LRRC45: variants seen among roughly 807,000 people sequenced by gnomAD.
LRRC45 encodes leucine rich repeat containing 45, also known as leucine-rich repeat-containing protein 45.
A neutral mutation model predicts 85.4 loss-of-function variants in LRRC45; 73 were observed. The ratio of observed to expected loss-of-function variants is 0.85; its 90% confidence interval spans 0.71 to 1.04. The LOEUF is 1.04. LRRC45 is among the 50% of genes least tolerant of loss of function. The pLI is 0.00. For missense variants in LRRC45, 937 were observed against 883.3 expected (o/e 1.06, Z -0.77); for synonymous variants, 429 against 386.0 (o/e 1.11, Z -1.31).
chr17:82,025,960 C>A (rs557661957), intron 5 of LRRC45, among the ~76,000 whole-genome samples: 1 of 152,186 alleles, frequency 6.6e-6, no homozygotes, highest in African/African-American at 2.4e-5. Context: ...CCAGCGACCC[C>A]GAATCCTTGC....
chr17:82,028,297 C>G lies in LRRC45; in HGVS notation c.1111C>G (p.Leu371Val). 1 of 1,591,292 alleles carries G rather than the reference C, an allele frequency of 6.3e-7. No homozygotes were observed. Among genetic ancestry groups the G allele is most frequent in the Non-Finnish European group, 8.6e-7 (1 of 1,169,522 alleles). Residue 371 changes from leucine (L) to valine (V), a missense_variant, in exon 10 of 17, where the codon CTT (leucine) becomes GTT (valine). Physicochemically the swap from Leu to Val is conservative, Grantham distance 32. Coordinates refer to ENST00000306688, the MANE Select transcript of LRRC45 (RefSeq NM_144999.4). Reference protein sequence around the residue: ...DLSAANEKNLLLQNQVDELER... With the variant: ...DLSAANEKNLVLQNQVDELER... ...GTCTGCTGCCAATGAAAAGAACCTG[C>G]TTCTGCAAAACCAGGTAGCTGTGGT...
Position 82,025,162 on chromosome 17 carries a change from C to T in LRRC45, c.516C>T (p.Thr172=), listed in dbSNP as rs772139815. 3 of 1,598,628 alleles carry T rather than the reference C, an allele frequency of 1.9e-6. No homozygotes were observed. Among genetic ancestry groups the T allele is most frequent in the Admixed American group, 1.7e-5 (1 of 58,406 alleles). The change falls in exon 4 of 17, where the codon ACC becomes ACT. Residue 172 remains threonine (T), a synonymous_variant. Coordinates refer to ENST00000306688, the MANE Select transcript of LRRC45 (RefSeq NM_144999.4). The part of the protein sequence containing the change: ...EELALALKGN[T]TLQQLDLRWN... ...TGGCCCTAGCCCTGAAGGGCAACACCACCCTCCAGCAGCTGGGTGAGGCCT... is the reference window on the plus strand; with the variant it reads ...TGGCCCTAGCCCTGAAGGGCAACACTACCCTCCAGCAGCTGGGTGAGGCCT...
intron 4 of LRRC45, 86 bp downstream of exon 4, chr17:82,025,264 G>A: frequency 6.5e-7 from 1 of 1,529,578 alleles, no homozygotes. Context: ...GGACTGGCCT[G>A]TGCTCCTGCT....
Position 82,030,684 on chromosome 17 carries a change from T to C in LRRC45, c.1892T>C (p.Leu631Pro). ...ENASLREKLR[L>P]REAEIARIRD... is the part of the protein sequence containing the mutation. ...GCGTCTCTCCGGGAGAAGCTGCGGC[T>C]CCGGGAGGCGGAGATCGCCCGCATC... is the stretch of plus-strand genomic sequence containing the variant. Residue 631 changes from leucine to proline, a missense_variant, in exon 17 of 17, where the codon CTC (leucine) becomes CCC (proline). Leu to Pro is a moderately conservative substitution (Grantham distance 98, BLOSUM62 -3). Coordinates refer to ENST00000306688, the MANE Select transcript of LRRC45 (RefSeq NM_144999.4). 3 of 1,480,002 alleles carry C rather than the reference T, an allele frequency of 2.0e-6. No individual in the cohort carries two copies. The highest frequency in any genetic ancestry group is 2.7e-6 in the Non-Finnish European group (3 of 1,105,490). The allele number at this position is 1,480,002 out of a possible 1,614,324, so 91.7% of individuals were successfully genotyped here. A position where few individuals can be genotyped will look rare whatever the true frequency, so the allele number is the denominator to read the frequency against.
intron 5 of LRRC45, 67 bp downstream of exon 5, chr17:82,025,574 G>A: frequency 6.8e-7 from 1 of 1,463,056 alleles, no homozygotes; most frequent in Non-Finnish European, 9.1e-7. Context: ...CGAGGGCGGG[G>A]TGCCGGGCTC....
chr17:82,030,395 G>A lies in LRRC45; in HGVS notation c.1745G>A (p.Arg582Gln), dbSNP rs879315306. 3.7e-5 allele frequency: 57 copies of A among 1,549,668 alleles called. No homozygotes were observed. The highest frequency in any genetic ancestry group is 4.7e-5 in the Non-Finnish European group (54 of 1,146,946). Residue 582 changes from arginine (R) to glutamine (Q), a missense_variant, in exon 16 of 17, where the codon CGG becomes CAG. By Grantham distance (43) the Arg-to-Gln change is conservative. Transcript: ENST00000306688. ...VRVELQEQNGRLQAELAAQEA... is the reference protein window; with the variant it reads ...VRVELQEQNGQLQAELAAQEA... ...GTGGAGCTGCAGGAGCAGAACGGCC[G>A]GCTGCAGGCGGAGCTGGCGGCTCAG...
At chr17:82,027,572 G>A (rs889755578) in intron 7 of LRRC45, 102 bp from the exon 8 acceptor site, 72 of 1,535,736 alleles carry the variant, frequency 4.7e-5, no homozygotes, top group Middle Eastern at 1.7e-4. Flanking sequence ...GTGCCCAGGC[G>A]ACCATAGATG....
chr17:82,028,339 C>A, intron 10 of LRRC45, 28 bp downstream of exon 10: 2 of 1,604,130 alleles, frequency 1.2e-6, no homozygotes, highest in Non-Finnish European at 1.7e-6. Flanking sequence ...AGCCAGGGAG[C>A]CCAGGGTGGG....
Position 82,030,924 on chromosome 17 carries a change from G to A in LRRC45, c.*119G>A, listed in dbSNP as rs1016643518. 2.6e-6 allele frequency: 2 copies of A among 781,810 alleles called. No individual in the cohort carries two copies. Among genetic ancestry groups the A allele is most frequent in the Non-Finnish European group, 3.5e-6 (2 of 568,286 alleles). The allele number at this position is 781,810 out of a possible 1,614,324, so 48.4% of individuals were successfully genotyped here. On this transcript the variant is annotated 3_prime_UTR_variant, in exon 17 of 17. Transcript: ENST00000306688. ...ACCCGGGTCGTCTGTTCCACGCGGC[G>A]GTTGCGGCGACTGTTGGTGGTGTCG... is the stretch of plus-strand genomic sequence containing the variant.
chr17:82,030,036 A>C, intron 14 of LRRC45, 29 bp from the exon 15 acceptor site: 1 of 1,529,580 alleles, frequency 6.5e-7, no homozygotes, highest in Non-Finnish European at 8.8e-7. Flanking sequence ...TGAGCCCCTC[A>C]TGCTTCGTGG....
chr17:82,023,582 G>T lies in LRRC45; in HGVS notation c.-62G>T. 1.4e-6 allele frequency: 2 copies of T among 1,420,398 alleles called. No homozygotes were observed. Among genetic ancestry groups the T allele is most frequent in the Admixed American group, 2.4e-5 (1 of 42,474 alleles). The allele number at this position is 1,420,398 out of a possible 1,614,324, so 88.0% of individuals were successfully genotyped here. A position where few individuals can be genotyped will look rare whatever the true frequency, so the allele number is the denominator to read the frequency against. On this transcript the variant is annotated 5_prime_UTR_variant, in exon 1 of 17. Coordinates refer to ENST00000306688, the MANE Select transcript of LRRC45 (RefSeq NM_144999.4). The stretch of plus-strand genomic sequence containing the variant: ...CCCGGCGCTGGGACTGCTCCGCACC[G>T]CGCGGCTCCCTTTCAGCAGCTGCGG...
rs764401629 is a variant in LRRC45, at chr17:82,028,547, TGGGCACCG to T, written c.1237+43_1237+50del. Reference sequence around the variant, plus strand: ...GGCCTGCTGTGGAGGGGCCTGGGGATGGGCACCGGGGGACGGGGGCCCCCAGGGGATGC... The same window carrying T: ...GGCCTGCTGTGGAGGGGCCTGGGGATGGGGACGGGGGCCCCCAGGGGATGC... On this transcript the variant is annotated intron_variant, in intron 11 of 16. Coordinates refer to ENST00000306688, the MANE Select transcript of LRRC45 (RefSeq NM_144999.4). The T allele has an allele frequency of 5.0e-6, 8 of 1,611,498 alleles. No individual in the cohort carries two copies. The South Asian group carries it at 8.8e-5, about 18-fold the overall frequency.
Position 82,026,968 on chromosome 17 carries a change from TC to T in LRRC45, c.732del (p.Ser245AlafsTer18). On this transcript the variant is annotated frameshift_variant, in exon 6 of 17. Coordinates refer to ENST00000306688, the MANE Select transcript of LRRC45 (RefSeq NM_144999.4). LOFTEE classifies it high-confidence loss of function. ...GAGAACCAAGCCCGCACTCACGTCC[TC>T]AGCAAGGAGGTCCAGCACCTCCGGG... is the stretch of plus-strand genomic sequence containing the variant. Reference protein sequence around the residue: ...FQENQARTHVLSKEVQHLREE... With the variant: ...FQENQARTHVXSKEVQHLREE... 1 of 1,607,646 alleles carries T rather than the reference TC, an allele frequency of 6.2e-7. No individual in the cohort carries two copies. Among genetic ancestry groups the T allele is most frequent in the Non-Finnish European group, 8.5e-7 (1 of 1,178,714 alleles).
intron 14 of LRRC45, 54 bp downstream of exon 14, chr17:82,029,689 G>A (rs79644420): frequency 0.015 from 22,631 of 1,504,562 alleles, 220 homozygotes; most frequent in Non-Finnish European, 0.019. Flanking sequence ...CCGGCATTGC[G>A]GCCCGCATGC....
At chr17:82,029,979 G>C (rs1482768698) in intron 14 of LRRC45, 86 bp from the exon 15 acceptor site, 2 of 1,417,236 alleles carry the variant, frequency 1.4e-6, no homozygotes, top group Non-Finnish European at 1.9e-6. Flanking sequence ...GTCCTGCAGA[G>C]AGGTGGGGTC....
At chr17:82,024,450 T>G in intron 2 of LRRC45, 111 bp downstream of exon 2, 1 of 1,295,652 alleles carries the variant, frequency 7.7e-7, no homozygotes, top group Non-Finnish European at 1.1e-6. Context: ...CTGGAAGCTG[T>G]CTGTGAGTCC....
At position 82,027,751 on chromosome 17, in the gene LRRC45, A is replaced by G. The variant is rs1202412153; in HGVS notation, c.911A>G (p.Lys304Arg). The change falls in exon 8 of 17, where the codon AAG becomes AGG. Residue 304 changes from lysine to arginine, a missense_variant and splice_region_variant. Lys to Arg is a conservative substitution (Grantham distance 26, BLOSUM62 2). Transcript: ENST00000306688. ...TCCATCATCAACGCTCTCAAGGCCA[A>G]GTAAGTGGGGGGTGGCCTCAGGATA... ...RHSIINALKA[K>R]LQMTEAALAL... is the part of the protein sequence containing the mutation. 10 of 1,610,476 alleles carry G rather than the reference A, an allele frequency of 6.2e-6. No individual in the cohort carries two copies. Among genetic ancestry groups the G allele is most frequent in the Middle Eastern group, 1.7e-4 (1 of 6,060 alleles).
At position 82,023,759 on chromosome 17, in the gene LRRC45, C is replaced by T; in HGVS notation, c.116C>T (p.Thr39Met). Residue 39 changes from threonine (T) to methionine (M), a missense_variant, in exon 1 of 17, where the codon ACG (threonine) becomes ATG (methionine). Coordinates refer to ENST00000306688, the MANE Select transcript of LRRC45 (RefSeq NM_144999.4). ...CCCAGGGGCCGGCTGGACCTGGCCACGCAAAGCCTGACGGTGGAGACCTGC... is the reference window on the plus strand; with the variant it reads ...CCCAGGGGCCGGCTGGACCTGGCCATGCAAAGCCTGACGGTGGAGACCTGC... The part of the protein sequence containing the change: ...QLPRGRLDLA[T>M]QSLTVETCRA... 6.4e-7 allele frequency: 1 copy of T among 1,558,066 alleles called. No homozygotes were observed.
In LRRC45 at chr17:82,025,133, G is replaced by A; in HGVS notation, c.487G>A (p.Glu163Lys). 1.2e-6 allele frequency: 2 copies of A among 1,610,478 alleles called. No homozygotes were observed. The highest frequency in any genetic ancestry group is 1.7e-6 in the Non-Finnish European group (2 of 1,178,674). Reference sequence around the variant, plus strand: ...CCAGATCAGTCACAAGGGCGCGGAGGAGCTGGCCCTAGCCCTGAAGGGCAA... The same window carrying A: ...CCAGATCAGTCACAAGGGCGCGGAGAAGCTGGCCCTAGCCCTGAAGGGCAA... ...NNQISHKGAE[E>K]LALALKGNTT... Residue 163 changes from glutamate (E) to lysine (K), a missense_variant, in exon 4 of 17, where the codon GAG becomes AAG. Coordinates refer to ENST00000306688, the MANE Select transcript of LRRC45 (RefSeq NM_144999.4).
Sources: allele counts gnomAD v4.1 joint callset (sites outside exome capture counted in the v4.1 genomes callset), GRCh38; gene constraint gnomAD v4.1.1; transcripts MANE v1.5; gene names NCBI Gene and HGNC (gene_info 2026-07-23, HGNC 2026-07-21).